The following IL12RB2 variants were observed in gnomAD, a reference collection of about 807,000 sequenced individuals.
The protein encoded by IL12RB2 is interleukin-12 receptor subunit beta-2.
IL12RB2 carries 82 observed loss-of-function variants against 89.4 expected under a neutral mutation model. The ratio of observed to expected loss-of-function variants is 0.92; its 90% confidence interval spans 0.77 to 1.10. The LOEUF is 1.10. IL12RB2 is among the 50% of genes least tolerant of loss of function. The probability of loss-of-function intolerance (pLI) is 0.00; values close to 1 mark genes in which losing one functional copy is unlikely to be tolerated. For missense variants in IL12RB2, 963 were observed against 1,031.9 expected (o/e 0.93, Z 0.92); for synonymous variants, 368 against 370.1 (o/e 0.99, Z 0.07).
intron 10 of IL12RB2, among the ~76,000 whole-genome samples, chr1:67,358,586 T>C (rs975662841): frequency 2.0e-5 from 3 of 148,982 alleles, no homozygotes; most frequent in Admixed American, 1.3e-4. Context: ...CAAAAAAAAA[T>C]TAATTAAAAT....
intron 5 of IL12RB2, among the ~76,000 whole-genome samples, chr1:67,327,681 CT>C (rs1369837022): frequency 1.3e-5 from 2 of 152,282 alleles, no homozygotes; most frequent in South Asian, 4.1e-4. Flanking sequence ...AAAGATCCAG[CT>C]GATTTGTGCT....
At chr1:67,359,038 G>A (rs1028613389) in intron 10 of IL12RB2, among the ~76,000 whole-genome samples, 1 of 152,092 alleles carries the variant, frequency 6.6e-6, no homozygotes, top group Non-Finnish European at 1.5e-5. Context: ...CTACTCAAGA[G>A]GCTGAGGCAC....
chr1:67,314,078 T>G (rs566429954), intron 2 of IL12RB2, 78 bp downstream of exon 2: 1 of 152,262 alleles, frequency 6.6e-6, no homozygotes, highest in Admixed American at 6.5e-5. Flanking sequence ...CGACATTCAT[T>G]TATATGACAA....
chr1:67,392,372 C>T (rs1665921635), intron 16 of IL12RB2, among the ~76,000 whole-genome samples: 1 of 151,960 alleles, frequency 6.6e-6, no homozygotes. Flanking sequence ...TCTATATGTG[C>T]CTAAAGATCT....
At chr1:67,377,510 C>CAA (rs1391530190) in intron 13 of IL12RB2, among the ~76,000 whole-genome samples, 1 of 152,072 alleles carries the variant, frequency 6.6e-6, no homozygotes, top group Non-Finnish European at 1.5e-5. Context: ...CTTTTGTTAC[C>CAA]AAACAGATAG....
intron 11 of IL12RB2, among the ~76,000 whole-genome samples, chr1:67,369,553 C>A (rs1172128643): frequency 6.6e-6 from 1 of 152,156 alleles, no homozygotes; most frequent in African/African-American, 2.4e-5. Context: ...TTATGCCCAT[C>A]AAATCAGGTG....
At chr1:67,331,531 A>G (rs1310416352) in intron 8 of IL12RB2, among the ~76,000 whole-genome samples, 3 of 152,140 alleles carry the variant, frequency 2.0e-5, no homozygotes, top group Non-Finnish European at 4.4e-5. Flanking sequence ...TAGCCATCTG[A>G]ATATTAGTTT....
intron 13 of IL12RB2, among the ~76,000 whole-genome samples, chr1:67,374,670 T>C (rs1663756964): frequency 6.6e-6 from 1 of 151,800 alleles, no homozygotes; most frequent in South Asian, 2.1e-4. Flanking sequence ...GAGGAGGGGT[T>C]TCACCATGTT....
Position 67,396,485 on chromosome 1 carries a change from G to A in IL12RB2, c.*396G>A. The stretch of plus-strand genomic sequence containing the variant: ...TTCTAAAGCACCTGCTACACAGCAG[G>A]CTGTACACAGCAGATCAGTACTGTT... On this transcript the variant is annotated 3_prime_UTR_variant, in exon 17 of 17. Coordinates refer to ENST00000674203, the MANE Select transcript of IL12RB2 (RefSeq NM_001374259.2). 1 of 346,792 alleles carries A rather than the reference G, an allele frequency of 2.9e-6. No individual in the cohort carries two copies. The highest frequency in any genetic ancestry group is 2.5e-5 in the South Asian group (1 of 40,042). 21.5% of individuals were successfully genotyped at this position (346,792 alleles called of 1,614,324 possible).
In IL12RB2 at chr1:67,352,603, C is replaced by A. The variant is rs528010427; in HGVS notation, c.1258+1514C>A. 2.6e-5 allele frequency among the ~76,000 whole-genome samples: 4 copies of A among 152,308 alleles called. No homozygotes were observed. The South Asian group carries it at 8.3e-4, about 32-fold the overall frequency. On this transcript the variant is annotated intron_variant, in intron 10 of 16. Coordinates refer to ENST00000674203, the MANE Select transcript of IL12RB2 (RefSeq NM_001374259.2). ...GAGGCTCAAAAATATATTAAGGCAGCAATGTTCCCTTGCTAAAAAAAGATG... is the reference window on the plus strand; with the variant it reads ...GAGGCTCAAAAATATATTAAGGCAGAAATGTTCCCTTGCTAAAAAAAGATG...
chr1:67,385,165 G>A (rs1557473925), intron 14 of IL12RB2, among the ~76,000 whole-genome samples: 1 of 152,114 alleles, frequency 6.6e-6, no homozygotes, highest in Non-Finnish European at 1.5e-5. Context: ...TCTGAGACTG[G>A]GTAATTTATA....
At chr1:67,325,500 G>A (rs1171708153) in intron 4 of IL12RB2, among the ~76,000 whole-genome samples, 6 of 152,216 alleles carry the variant, frequency 3.9e-5, no homozygotes, top group Admixed American at 2.6e-4. Flanking sequence ...AACTTCAAGT[G>A]ATCTGCCCAC....
rs1326153163 is a variant in IL12RB2 at position 67,338,528 on chromosome 1, C to T, written c.959-96C>T. 3 of 745,718 alleles carry T rather than the reference C, an allele frequency of 4.0e-6. No individual in the cohort carries two copies. In the African/African-American group the frequency reaches 5.2e-5, roughly 13 times the overall value. 46.2% of individuals were successfully genotyped at this position (745,718 alleles called of 1,614,324 possible). ...ACACACAAATAATTGAAGTTATCCTCTAATTCTACTCTTCCAGAATTGTTT... is the reference window on the plus strand; with the variant it reads ...ACACACAAATAATTGAAGTTATCCTTTAATTCTACTCTTCCAGAATTGTTT... On this transcript the variant is annotated intron_variant, in intron 8 of 16. Transcript: ENST00000674203.
intron 9 of IL12RB2, among the ~76,000 whole-genome samples, chr1:67,349,917 C>T (rs1000962015): frequency 1.3e-5 from 2 of 152,148 alleles, no homozygotes; most frequent in Non-Finnish European, 2.9e-5. Context: ...TCATGTTAGC[C>T]CAGCCTTTCC....
Position 67,398,122 on chromosome 1 carries a change from T to G in IL12RB2, c.*2033T>G, listed in dbSNP as rs1034146396. On this transcript the variant is annotated 3_prime_UTR_variant, in exon 17 of 17. Coordinates refer to ENST00000674203, the MANE Select transcript of IL12RB2 (RefSeq NM_001374259.2). Reference sequence around the variant, plus strand: ...TTTCTATTCCACTCTATTTAGCTATTATTGTGCGGCACCCCCAATGGTTCC... The same window carrying G: ...TTTCTATTCCACTCTATTTAGCTATGATTGTGCGGCACCCCCAATGGTTCC... Among the ~76,000 whole-genome samples, 1 of 152,158 alleles carries G rather than the reference T, an allele frequency of 6.6e-6. No individual in the cohort carries two copies. Among genetic ancestry groups the G allele is most frequent in the African/African-American group, 2.4e-5 (1 of 41,432 alleles).
At chr1:67,320,881 C>G (rs1248506191) in intron 3 of IL12RB2, among the ~76,000 whole-genome samples, 1 of 150,284 alleles carries the variant, frequency 6.7e-6, no homozygotes, top group Non-Finnish European at 1.5e-5. Context: ...TAATGCTATC[C>G]CTCCCCCAGC....
intron 10 of IL12RB2, among the ~76,000 whole-genome samples, chr1:67,354,722 C>A (rs1169092612): frequency 6.6e-6 from 1 of 152,148 alleles, no homozygotes; most frequent in Non-Finnish European, 1.5e-5. Flanking sequence ...CTCACACATA[C>A]CTTGAATGAT....
rs372724031 is a variant in IL12RB2, at chr1:67,372,076, G to GTGTT, written c.1460-359_1460-358insGTTT. Among the ~76,000 whole-genome samples the GTGTT allele has an allele frequency of 6.6e-5, 3 of 45,576 alleles. No homozygotes were observed. The East Asian group carries it at 1.3e-3, about 20-fold the overall frequency. 29.9% of individuals were successfully genotyped at this position (45,576 alleles called of 152,430 possible). On this transcript the variant is annotated intron_variant, in intron 11 of 16. Coordinates refer to ENST00000674203, the MANE Select transcript of IL12RB2 (RefSeq NM_001374259.2). ...AAAAGCAGTCTGGGTGCGTGTGTGTGTCTGTGTGTGTGTGTGTGTGTGGTT... is the reference window on the plus strand; with the variant it reads ...AAAAGCAGTCTGGGTGCGTGTGTGTGTGTTTCTGTGTGTGTGTGTGTGTGTGGTT...
chr1:67,387,409 A>T (rs562795156), intron 15 of IL12RB2, among the ~76,000 whole-genome samples: 1 of 152,056 alleles, frequency 6.6e-6, no homozygotes, highest in Non-Finnish European at 1.5e-5. Flanking sequence ...GTAGAAATTA[A>T]ATAGTATGGC....
Sources: allele counts gnomAD v4.1 joint callset (sites outside exome capture counted in the v4.1 genomes callset), GRCh38; gene constraint gnomAD v4.1.1; transcripts MANE v1.5; gene names NCBI Gene and HGNC (gene_info 2026-07-23, HGNC 2026-07-21).